Variants in RGS20 observed in about 807,000 individuals in gnomAD.
RGS20 encodes the protein gz-selective GTPase-activating protein.
RGS20 carries 30 observed loss-of-function variants against 33.6 expected under a neutral mutation model. The ratio of observed to expected loss-of-function variants is 0.89; its 90% confidence interval spans 0.67 to 1.21. RGS20 has a LOEUF of 1.21. RGS20 is among the 50% of genes most tolerant of loss of function. The pLI, the probability that RGS20 is intolerant of heterozygous loss-of-function variation, is 0.00. For missense variants in RGS20, 472 were observed against 502.4 expected (o/e 0.94, Z 0.58); for synonymous variants, 208 against 197.9 (o/e 1.05, Z -0.43).
intron 2 of RGS20, among the ~76,000 whole-genome samples, chr8:53,921,572 T>G (rs1328377025): frequency 6.6e-6 from 1 of 152,084 alleles, no homozygotes; most frequent in African/African-American, 2.4e-5. Flanking sequence ...TTTAGTTAAT[T>G]TTGTTAGTTT....
chr8:53,953,751 T>C (rs1814779614), intron 4 of RGS20, among the ~76,000 whole-genome samples: 1 of 152,180 alleles, frequency 6.6e-6, no homozygotes, highest in Non-Finnish European at 1.5e-5. Flanking sequence ...GGTCAGATGG[T>C]TGCAGGATTT....
intron 2 of RGS20, among the ~76,000 whole-genome samples, chr8:53,923,486 T>C (rs1813706830): frequency 6.6e-6 from 1 of 151,960 alleles, no homozygotes; most frequent in South Asian, 2.1e-4. Flanking sequence ...TCCCAGCTAC[T>C]TGGGGAGCTG....
At chr8:53,943,864 G>GT (rs577904565) in intron 3 of RGS20, among the ~76,000 whole-genome samples, 2 of 151,528 alleles carry the variant, frequency 1.3e-5, no homozygotes, top group Non-Finnish European at 1.5e-5. Flanking sequence ...TGCCTCTCAA[G>GT]TTTTTTTTGG....
At chr8:53,905,923 A>G (rs1813153828) in intron 2 of RGS20, among the ~76,000 whole-genome samples, 1 of 152,080 alleles carries the variant, frequency 6.6e-6, no homozygotes, top group African/African-American at 2.4e-5. Context: ...CCTCTCCCCA[A>G]CACACTTTAT....
chr8:53,919,466 T>G (rs1211268453), intron 2 of RGS20, among the ~76,000 whole-genome samples: 74 of 152,018 alleles, frequency 4.9e-4, no homozygotes, highest in Non-Finnish European at 1.2e-4. Flanking sequence ...CTCAGCCTCC[T>G]GAGTAGCTGG....
At position 53,861,111 on chromosome 8, in the gene RGS20, C is replaced by T. The variant is rs568432795; in HGVS notation, c.165+9047C>T. Among the ~76,000 whole-genome samples, 154 of 152,326 alleles carry T rather than the reference C, an allele frequency of 1.0e-3. 1 individual carries two copies. The highest frequency in any genetic ancestry group is 3.5e-3 in the African/African-American group (145 of 41,572). On this transcript the variant is annotated intron_variant, in intron 1 of 5. Coordinates refer to ENST00000297313, the MANE Select transcript of RGS20 (RefSeq NM_170587.4). Reference sequence around the variant, plus strand: ...AATCAACGATGACACCTGAAGTAGACAGCCCTGATTTAGATATTTGAGGCC... The same window carrying T: ...AATCAACGATGACACCTGAAGTAGATAGCCCTGATTTAGATATTTGAGGCC...
intron 3 of RGS20, among the ~76,000 whole-genome samples, chr8:53,943,585 G>A (rs1276218863): frequency 3.3e-5 from 5 of 152,038 alleles, no homozygotes; most frequent in African/African-American, 7.2e-5. Context: ...ACAGTGGACC[G>A]AGGTAAAGAA....
At chr8:53,947,394 A>G (rs1814533371) in intron 4 of RGS20, among the ~76,000 whole-genome samples, 1 of 119,386 alleles carries the variant, frequency 8.4e-6, no homozygotes, top group African/African-American at 3.2e-5. Flanking sequence ...TATATATGCT[A>G]TATATAAGAT....
rs188452963 is a variant in RGS20 at position 53,883,275 on chromosome 8, G to A, written c.510+3673G>A. On this transcript the variant is annotated intron_variant, in intron 2 of 5. Coordinates refer to ENST00000297313, the MANE Select transcript of RGS20 (RefSeq NM_170587.4). ...GGGTTCAAGAGATTTTCCTGCCTCA[G>A]CCTCCCAAGTAGCTGGGGCTGGGAT... Among the ~76,000 whole-genome samples, 1,059 of 151,794 alleles carry A rather than the reference G, an allele frequency of 7.0e-3. 15 individuals are homozygous for A. The highest frequency in any genetic ancestry group is 0.023 in the African/African-American group (970 of 41,388).
chr8:53,902,839 C>G (rs1363395873), intron 2 of RGS20, among the ~76,000 whole-genome samples: 1 of 152,164 alleles, frequency 6.6e-6, no homozygotes, highest in African/African-American at 2.4e-5. Context: ...AATTCTCCTG[C>G]CTCAGCTTCC....
intron 2 of RGS20, among the ~76,000 whole-genome samples, chr8:53,885,445 C>G (rs564688698): frequency 6.6e-6 from 1 of 152,136 alleles, no homozygotes; most frequent in African/African-American, 2.4e-5. Context: ...AACCCCGTCT[C>G]TACTAAAAAA....
chr8:53,858,919 G>T (rs566936773), intron 1 of RGS20, among the ~76,000 whole-genome samples: 11 of 151,464 alleles, frequency 7.3e-5, no homozygotes, highest in Non-Finnish European at 1.2e-4. Flanking sequence ...AAAACCGCGG[G>T]GGGTGGGGCA....
In RGS20 at chr8:53,879,528, C is replaced by T. The variant is rs555344837; in HGVS notation, c.436C>T (p.Pro146Ser). Residue 146 changes from proline (P) to serine (S), a missense_variant, in exon 2 of 6, where the codon CCG (proline) becomes TCG (serine). Physicochemically the swap from Pro to Ser is moderately conservative, Grantham distance 74 (BLOSUM62 -1). Coordinates refer to ENST00000297313, the MANE Select transcript of RGS20 (RefSeq NM_170587.4). ...GCCCGGCCGACCCTCGGGGGGTCGT[C>T]CGCTGAGGCCCCCCCATCCGGTAGC... 4 of 1,541,746 alleles carry T rather than the reference C, an allele frequency of 2.6e-6. No individual in the cohort carries two copies. In the South Asian group the frequency reaches 4.8e-5, roughly 18 times the overall value.
At chr8:53,922,280 T>A (rs925164401) in intron 2 of RGS20, among the ~76,000 whole-genome samples, 1 of 152,188 alleles carries the variant, frequency 6.6e-6, no homozygotes, top group Non-Finnish European at 1.5e-5. Flanking sequence ...CTAGTAACAT[T>A]TTGTGTTTAA....
At chr8:53,930,296 A>C (rs1376790190) in intron 2 of RGS20, among the ~76,000 whole-genome samples, 1 of 152,222 alleles carries the variant, frequency 6.6e-6, no homozygotes, top group African/African-American at 2.4e-5. Context: ...CTAGGGGAAG[A>C]TATCATTTAT....
At chr8:53,920,243 T>C (rs114737301) in intron 2 of RGS20, among the ~76,000 whole-genome samples, 1,620 of 152,232 alleles carry the variant, frequency 0.011, 25 homozygotes, top group African/African-American at 0.037. Flanking sequence ...ATAATTCTTT[T>C]ATTAAATTTA....
intron 3 of RGS20, among the ~76,000 whole-genome samples, chr8:53,943,716 A>T (rs1180260500): frequency 1.4e-5 from 2 of 147,496 alleles, no homozygotes; most frequent in Non-Finnish European, 3.0e-5. Context: ...TTTAGTTTGC[A>T]GTACAGCTTC....
intron 2 of RGS20, among the ~76,000 whole-genome samples, chr8:53,918,155 C>A (rs1813542888): frequency 6.6e-6 from 1 of 152,146 alleles, no homozygotes; most frequent in Non-Finnish European, 1.5e-5. Flanking sequence ...AGCACAGTCA[C>A]AAAGTTGTGC....
intron 1 of RGS20, among the ~76,000 whole-genome samples, chr8:53,872,840 T>A (rs971084660): frequency 9.9e-5 from 15 of 151,994 alleles, no homozygotes; most frequent in African/African-American, 3.6e-4. Flanking sequence ...TCTTGAGGGT[T>A]TTTTTTTAAT....
Sources: gnomAD v4.1 joint callset for allele counts (sites outside exome capture counted in the v4.1 genomes callset) on GRCh38, gnomAD v4.1.1 for gene constraint, MANE v1.5 for transcripts, NCBI Gene and HGNC (gene_info 2026-07-23, HGNC 2026-07-21) for gene names.